The following MYO1H variants were observed in gnomAD, a reference collection of about 807,000 sequenced individuals.
MYO1H encodes the protein myosin IH, also known as unconventional myosin-Ih.
In MYO1H, 118 loss-of-function variants were observed where a neutral mutation model predicts 149.3. The ratio of observed to expected loss-of-function variants is 0.79; its 90% CI spans 0.68 to 0.92. MYO1H has a LOEUF of 0.92. Ranked by LOEUF, MYO1H falls within the 40% of genes least tolerant of loss-of-function variation. The probability of loss-of-function intolerance (pLI) is 0.00; values close to 1 mark genes in which losing one functional copy is unlikely to be tolerated. For missense variants in MYO1H, 1,212 were observed against 1,280.7 expected (o/e 0.95, Z 0.82); for synonymous variants, 447 against 465.2 (o/e 0.96, Z 0.50).
At chr12:109,367,228 G>C (rs1328186239) in intron 1 of MYO1H, among the ~76,000 whole-genome samples, 1 of 152,124 alleles carries the variant, frequency 6.6e-6, no homozygotes, top group African/African-American at 2.4e-5. Flanking sequence ...ATAGGAAAAG[G>C]CTAATTTCCT....
intron 5 of MYO1H, among the ~76,000 whole-genome samples, chr12:109,399,464 C>T (rs760694456): frequency 1.4e-4 from 22 of 151,790 alleles, no homozygotes; most frequent in Non-Finnish European, 2.9e-4. Flanking sequence ...TGGTGGCGCA[C>T]ACCTGTAGTC....
chr12:109,393,574 T>TCCATCCATCCATCCAG, intron 3 of MYO1H, 128 bp downstream of exon 3: 1 of 654,220 alleles, frequency 1.5e-6, no homozygotes, highest in Non-Finnish European at 2.7e-6. Flanking sequence ...CATCCATCCA[T>TCCATCCATCCATCCAG]CCGCCCACCC....
chr12:109,386,148 CATA>C (rs1427187224), intron 1 of MYO1H, among the ~76,000 whole-genome samples: 2 of 152,186 alleles, frequency 1.3e-5, no homozygotes, highest in Non-Finnish European at 2.9e-5. Context: ...TTTCACTCAG[CATA>C]ATGTCTGTGA....
At chr12:109,447,974 C>G (rs553448725) in exon 32 of MYO1H, 1 of 152,364 alleles carries the variant, frequency 6.6e-6, no homozygotes, top group South Asian at 2.1e-4. Flanking sequence ...ACGCTTGTGA[C>G]TGGGGAGGGG....
intron 14 of MYO1H, among the ~76,000 whole-genome samples, chr12:109,414,613 AAAAC>A (rs1870824271): frequency 6.6e-6 from 1 of 152,190 alleles, no homozygotes; most frequent in African/African-American, 2.4e-5. Context: ...ATCACCTAGA[AAAAC>A]AAAAGTTAAT....
intron 3 of MYO1H, among the ~76,000 whole-genome samples, chr12:109,395,108 G>A (rs1184563384): frequency 2.0e-5 from 3 of 152,130 alleles, no homozygotes; most frequent in Non-Finnish European, 2.9e-5. Context: ...ACTCTGCCTC[G>A]TATTCAGGTT....
chr12:109,442,196 G>T lies in MYO1H; in HGVS notation c.2633-21G>T, dbSNP rs1220694530. ...ATTGGTACTTTAGTGATGATTCATGGCCTTCTGGTTCCCTCTCTAGATGAA... is the reference window on the plus strand; with the variant it reads ...ATTGGTACTTTAGTGATGATTCATGTCCTTCTGGTTCCCTCTCTAGATGAA... On this transcript the variant is annotated intron_variant, in intron 26 of 31. Transcript: ENST00000310903. The T allele has an allele frequency of 6.2e-6, 10 of 1,610,756 alleles. 1 individual carries two copies. In the South Asian group the frequency reaches 8.8e-5, roughly 14 times the overall value.
chr12:109,340,020 G>T, the MYO1H span, among the ~76,000 whole-genome samples: 1 of 152,092 alleles, frequency 6.6e-6, no homozygotes, highest in Non-Finnish European at 1.5e-5. Flanking sequence ...TTACAGCATT[G>T]TTTATAGTAT....
intron 1 of MYO1H, among the ~76,000 whole-genome samples, chr12:109,351,061 ACTCATT>A (rs1202859092): frequency 6.6e-6 from 1 of 152,200 alleles, no homozygotes; most frequent in Non-Finnish European, 1.5e-5. Context: ...CCTTGAATAG[ACTCATT>A]CTCATGTTCC....
At chr12:109,383,387 AAAGT>A (rs1869244406) in intron 1 of MYO1H, among the ~76,000 whole-genome samples, 1 of 152,230 alleles carries the variant, frequency 6.6e-6, no homozygotes, top group Non-Finnish European at 1.5e-5. Flanking sequence ...TCCCAGTGGA[AAAGT>A]TCTGTTCCGC....
chr12:109,440,087 T>G (rs985361162), intron 24 of MYO1H, among the ~76,000 whole-genome samples: 1 of 151,146 alleles, frequency 6.6e-6, no homozygotes, highest in Non-Finnish European at 1.5e-5. Flanking sequence ...CAGGCTAGAG[T>G]GCAGTGGCGC....
chr12:109,344,391 C>T (rs187626572), upstream of MYO1H, among the ~76,000 whole-genome samples: 1 of 152,136 alleles, frequency 6.6e-6, no homozygotes, highest in East Asian at 1.9e-4. Flanking sequence ...ACAAAAACAT[C>T]AAGAAGAATA....
chr12:109,341,229 C>CA, the MYO1H span, among the ~76,000 whole-genome samples: 5,507 of 113,898 alleles, frequency 0.048, 247 homozygotes, highest in East Asian at 0.15. Context: ...CGTTCCATCT[C>CA]AAAAAAAAAA....
chr12:109,433,069 A>G, intron 20 of MYO1H, 59 bp downstream of exon 20: 2 of 1,369,632 alleles, frequency 1.5e-6, no homozygotes, highest in South Asian at 1.2e-5. Flanking sequence ...GGTTTTGTGC[A>G]TTGATCCGTA....
At chr12:109,392,315 C>T (rs1869688095) in intron 2 of MYO1H, among the ~76,000 whole-genome samples, 1 of 152,242 alleles carries the variant, frequency 6.6e-6, no homozygotes, top group African/African-American at 2.4e-5. Flanking sequence ...ACAATGGCCT[C>T]TCATGCCCCT....
At chr12:109,426,141 C>CA (rs1400823586) in intron 18 of MYO1H, 90 bp downstream of exon 18, 1 of 833,158 alleles carries the variant, frequency 1.2e-6, no homozygotes, top group Non-Finnish European at 2.0e-6. Flanking sequence ...TAAACACCAC[C>CA]ACAAGCTTGC....
At chr12:109,367,706 C>T (rs1868895220) in intron 1 of MYO1H, among the ~76,000 whole-genome samples, 1 of 151,958 alleles carries the variant, frequency 6.6e-6, no homozygotes, top group South Asian at 2.1e-4. Context: ...CGCCCGCCAC[C>T]ACACCCGGCT....
rs1592776724 is a variant in MYO1H, at chr12:109,352,242, A to G, written c.12+4270A>G. On this transcript the variant is annotated intron_variant, in intron 1 of 31. Transcript: ENST00000310903. ...GTAGAAAGGATCTTTTAAACGGTAT[A>G]GGAAATTGTAAGAAAATGACAATGA... Among the ~76,000 whole-genome samples, 3 of 152,316 alleles carry G rather than the reference A, an allele frequency of 2.0e-5. No homozygotes were observed. In the East Asian group the frequency reaches 5.8e-4, roughly 29 times the overall value.
rs1490771644 is a variant in MYO1H at position 109,389,853 on chromosome 12, TAATC to T, written c.174+1010_174+1013del. ...TTTGTTTGTAATGCTGCTCGTGACT[TAATC>T]TATATGTTGAAACCAAGGATACCAG... is the stretch of plus-strand genomic sequence containing the variant. On this transcript the variant is annotated intron_variant, in intron 2 of 31. Transcript: ENST00000310903. Among the ~76,000 whole-genome samples the T allele has an allele frequency of 7.2e-5, 11 of 152,346 alleles. No individual in the cohort carries two copies. The South Asian group carries it at 2.1e-3, about 29-fold the overall frequency.
Sources: gnomAD v4.1 joint callset for allele counts (sites outside exome capture counted in the v4.1 genomes callset) on GRCh38, gnomAD v4.1.1 for gene constraint, MANE v1.5 for transcripts, NCBI Gene and HGNC (gene_info 2026-07-23, HGNC 2026-07-21) for gene names.